Variants in AGMO observed in about 807,000 individuals in gnomAD.
The protein encoded by AGMO is glyceryl-ether monooxygenase.
A neutral mutation model predicts 60.2 loss-of-function variants in AGMO; 75 were observed. That is an observed-to-expected ratio of 1.25 (90% CI 1.03 to 1.51). The LOEUF (loss-of-function observed/expected upper bound fraction) is 1.51. Among genes scored for constraint, AGMO ranks in the 40% most tolerant of loss-of-function variants. The pLI is 0.00. For missense variants in AGMO, 763 were observed against 525.5 expected (o/e 1.45, Z -4.42); for synonymous variants, 261 against 177.1 (o/e 1.47, Z -3.76).
At chr7:15,459,312 G>T (rs531252019) in intron 3 of AGMO, among the ~76,000 whole-genome samples, 1 of 152,102 alleles carries the variant, frequency 6.6e-6, no homozygotes, top group East Asian at 1.9e-4. Context: ...AAAAGGGTTC[G>T]TTTATGCAAA....
At chr7:15,494,789 C>T (rs908466235) in intron 3 of AGMO, among the ~76,000 whole-genome samples, 1 of 152,186 alleles carries the variant, frequency 6.6e-6, no homozygotes, top group East Asian at 1.9e-4. Context: ...ACACAATTTA[C>T]CAGAATAAAT....
intron 12 of AGMO, among the ~76,000 whole-genome samples, chr7:15,316,821 G>T (rs1157903432): frequency 6.6e-6 from 1 of 152,062 alleles, no homozygotes; most frequent in Non-Finnish European, 1.5e-5. Flanking sequence ...AGATTAATTG[G>T]CTTTTAAATA....
chr7:15,550,662 C>G (rs1249234065), intron 2 of AGMO, among the ~76,000 whole-genome samples: 4 of 150,038 alleles, frequency 2.7e-5, no homozygotes, highest in East Asian at 2.0e-4. Context: ...AGCTGAAATT[C>G]TGGCAATAAT....
At chr7:15,376,281 T>C (rs1783446579) in intron 10 of AGMO, among the ~76,000 whole-genome samples, 2 of 152,030 alleles carry the variant, frequency 1.3e-5, no homozygotes, top group African/African-American at 4.8e-5. Context: ...CAGTATACCC[T>C]GGACATTGAC....
chr7:15,276,323 C>T (rs1783785959), intron 12 of AGMO, among the ~76,000 whole-genome samples: 1 of 151,796 alleles, frequency 6.6e-6, no homozygotes, highest in Admixed American at 6.6e-5. Flanking sequence ...TATCGACTGG[C>T]ATTTTTTTTT....
Position 15,390,685 on chromosome 7 carries a change from G to C in AGMO, c.808C>G (p.Pro270Ala). 1 of 1,604,382 alleles carries C rather than the reference G, an allele frequency of 6.2e-7. No individual in the cohort carries two copies. Among genetic ancestry groups the C allele is most frequent in the Non-Finnish European group, 8.5e-7 (1 of 1,173,618 alleles). The change falls in exon 8 of 13, where the codon CCA becomes GCA. Residue 270 changes from proline to alanine, a missense_variant. Transcript: ENST00000342526. ...GLTHPINTFE[P>A]IKVQFHHLFS... ...AAGTATGTTACCTGCACTTTGATTG[G>C]TTCAAATGTATTAATGGGATGTGTT...
At chr7:15,341,703 CTG>C (rs1362924836) in intron 12 of AGMO, among the ~76,000 whole-genome samples, 4 of 152,100 alleles carry the variant, frequency 2.6e-5, no homozygotes, top group South Asian at 2.1e-4. Context: ...AAAAACATAC[CTG>C]AGAGAGTGGG....
chr7:15,361,620 A>G (rs549437393), intron 12 of AGMO, among the ~76,000 whole-genome samples: 1 of 151,912 alleles, frequency 6.6e-6, no homozygotes, highest in South Asian at 2.1e-4. Context: ...CCAAATTAAA[A>G]AAAAGAAAGA....
intron 12 of AGMO, among the ~76,000 whole-genome samples, chr7:15,262,179 G>T (rs1467811367): frequency 2.0e-5 from 3 of 152,050 alleles, no homozygotes; most frequent in Non-Finnish European, 4.4e-5. Flanking sequence ...AATCAGTAAA[G>T]AAGAAGTCAA....
chr7:15,420,213 A>T (rs1014446509), intron 4 of AGMO, among the ~76,000 whole-genome samples: 1 of 152,120 alleles, frequency 6.6e-6, no homozygotes, highest in African/African-American at 2.4e-5. Context: ...AAAAGATCAG[A>T]TAAGTCGTGA....
chr7:15,204,098 A>G (rs1402881490), intron 12 of AGMO, among the ~76,000 whole-genome samples: 2 of 152,170 alleles, frequency 1.3e-5, no homozygotes, highest in Non-Finnish European at 2.9e-5. Flanking sequence ...ATTCCATTAG[A>G]AAATATTTCA....
chr7:15,235,384 G>C (rs780234542), intron 12 of AGMO, among the ~76,000 whole-genome samples: 10 of 152,064 alleles, frequency 6.6e-5, no homozygotes, highest in African/African-American at 9.7e-5. Context: ...AATGACTAGA[G>C]TGTTAATTAC....
intron 12 of AGMO, among the ~76,000 whole-genome samples, chr7:15,303,776 G>T (rs1298699308): frequency 6.6e-6 from 1 of 152,050 alleles, no homozygotes; most frequent in Non-Finnish European, 1.5e-5. Context: ...ATGTTTGGTA[G>T]AAAAGAAAGA....
intron 12 of AGMO, among the ~76,000 whole-genome samples, chr7:15,316,309 G>T (rs1239530244): frequency 6.6e-6 from 1 of 152,174 alleles, no homozygotes; most frequent in Non-Finnish European, 1.5e-5. Context: ...CACTGCAGCT[G>T]ATGTAGGGCA....
At chr7:15,361,251 A>G (rs968015834) in intron 12 of AGMO, among the ~76,000 whole-genome samples, 26 of 151,848 alleles carry the variant, frequency 1.7e-4, no homozygotes, top group African/African-American at 6.1e-4. Flanking sequence ...TACCTATCAC[A>G]AAACTCTGAA....
chr7:15,400,361 G>A (rs1043031593), intron 5 of AGMO, among the ~76,000 whole-genome samples: 1 of 152,046 alleles, frequency 6.6e-6, no homozygotes, highest in African/African-American at 2.4e-5. Flanking sequence ...AGCAGTGGTG[G>A]GTTTAGTGCT....
chr7:15,419,793 T>G (rs1780876177), intron 4 of AGMO, among the ~76,000 whole-genome samples: 1 of 152,026 alleles, frequency 6.6e-6, no homozygotes, highest in Non-Finnish European at 1.5e-5. Flanking sequence ...ACTCTCTCTG[T>G]GATACTCCCT....
the AGMO span, among the ~76,000 whole-genome samples, chr7:15,145,778 T>G: frequency 4.9e-4 from 74 of 152,276 alleles, no homozygotes; most frequent in Non-Finnish European, 8.1e-4. Context: ...AGAAATTTAA[T>G]CATCATTACA....
chr7:15,439,098 T>A (rs1781479812), intron 3 of AGMO, among the ~76,000 whole-genome samples: 1 of 152,124 alleles, frequency 6.6e-6, no homozygotes, highest in Non-Finnish European at 1.5e-5. Flanking sequence ...AAGGGATATC[T>A]ATAGAAAATC....
Sources: allele counts gnomAD v4.1 joint callset (sites outside exome capture counted in the v4.1 genomes callset), GRCh38; gene constraint gnomAD v4.1.1; transcripts MANE v1.5; gene names NCBI Gene and HGNC (gene_info 2026-07-23, HGNC 2026-07-21).